Variants in C1orf141 observed in about 807,000 individuals in gnomAD.
C1orf141 encodes the protein uncharacterized protein C1orf141.
Under a neutral mutation model 23.2 loss-of-function variants are expected in C1orf141, and 19 were observed. That is an observed-to-expected ratio of 0.82 (90% CI 0.57 to 1.20). C1orf141 has a LOEUF of 1.20. C1orf141 is among the 50% of genes most tolerant of loss of function. The probability of loss-of-function intolerance (pLI) is 0.00; values close to 1 mark genes in which losing one functional copy is unlikely to be tolerated. For synonymous variants in C1orf141, 153 were observed against 154.6 expected (o/e 0.99, Z 0.08); for missense variants, 469 against 455.1 (o/e 1.03, Z -0.28).
At chr1:67,132,749 G>A (rs987179802) in intron 1 of C1orf141, among the ~76,000 whole-genome samples, 1 of 152,186 alleles carries the variant, frequency 6.6e-6, no homozygotes, top group Non-Finnish European at 1.5e-5. Flanking sequence ...ACTTCATAAT[G>A]ATTTACTGGA....
chr1:67,139,166 G>A (rs1646611447), upstream of C1orf141: 1 of 152,300 alleles, frequency 6.6e-6, no homozygotes, highest in Non-Finnish European at 1.5e-5. Context: ...GATCCAGTAA[G>A]TTCTCTTTGT....
chr1:67,137,361 G>A (rs554185127), upstream of C1orf141, among the ~76,000 whole-genome samples: 1 of 152,322 alleles, frequency 6.6e-6, no homozygotes. Context: ...TCCTCTTCCT[G>A]TGGAGTCAGG....
At chr1:67,112,964 A>G (rs1646108817) in intron 5 of C1orf141, among the ~76,000 whole-genome samples, 1 of 152,196 alleles carries the variant, frequency 6.6e-6, no homozygotes, top group Non-Finnish European at 1.5e-5. Context: ...TACTGAAAAG[A>G]GGCTAATGAA....
At chr1:67,128,481 A>G (rs1646460277) in intron 2 of C1orf141, among the ~76,000 whole-genome samples, 1 of 152,070 alleles carries the variant, frequency 6.6e-6, no homozygotes, top group African/African-American at 2.4e-5. Context: ...AGGCGGGCAG[A>G]TCACTTGAGG....
rs1050582233 is a variant in C1orf141 at position 67,115,601 on chromosome 1, T to G, written c.234-137A>C. 6.0e-6 allele frequency: 3 copies of G among 501,858 alleles called. No homozygotes were observed. In the East Asian group the frequency reaches 1.1e-4, roughly 18 times the overall value. The allele number at this position is 501,858 out of a possible 1,614,324, so 31.1% of individuals were successfully genotyped here. ...ATGTTAATGTTGTCACAGTACCAAGTGTGAAACATTGGACTGATTAAATAG... is the reference window on the plus strand; with the variant it reads ...ATGTTAATGTTGTCACAGTACCAAGGGTGAAACATTGGACTGATTAAATAG... On this transcript the variant is annotated intron_variant, in intron 4 of 7. Coordinates refer to ENST00000684719, the MANE Select transcript of C1orf141 (RefSeq NM_001276351.2).
intron 1 of C1orf141, among the ~76,000 whole-genome samples, chr1:67,141,375 A>AAAAG (rs1646636018): frequency 3.9e-5 from 6 of 152,170 alleles, no homozygotes; most frequent in African/African-American, 1.4e-4. Flanking sequence ...AACATGGCCA[A>AAAAG]AAGACTTTTT....
rs976545097 is a variant in C1orf141 at position 67,093,407 on chromosome 1, T to G, written c.801A>C (p.Lys267Asn). 7 of 1,612,542 alleles carry G rather than the reference T, an allele frequency of 4.3e-6. No homozygotes were observed. In the Admixed American group the frequency reaches 8.4e-5, roughly 19 times the overall value. The stretch of plus-strand genomic sequence containing the variant: ...GTACTGTAGGCATAGTTTTTTGGGG[T>G]TTGAAAAGAGAAATAGATTGATTGC... ...IIGNQSISLF[K>N]PQKTMPTVQR... The change falls in exon 8 of 8, where the codon AAA (lysine) becomes AAC (asparagine). Residue 267 changes from lysine (K) to asparagine (N), a missense_variant. Around this residue, in one of 3 missense-constraint regions of C1orf141, gnomAD observed 370 missense variants for 348.1 expected, o/e 1.06. Transcript: ENST00000684719.
rs1221091922 is a variant in C1orf141 at position 67,096,251 on chromosome 1, C to T, written c.416+1G>A. 2 of 1,382,928 alleles carry T rather than the reference C, an allele frequency of 1.4e-6. No homozygotes were observed. Among genetic ancestry groups the T allele is most frequent in the Admixed American group, 2.1e-5 (1 of 46,948 alleles). 85.7% of individuals were successfully genotyped at this position (1,382,928 alleles called of 1,614,324 possible). A position where few individuals can be genotyped will look rare whatever the true frequency, so the allele number is the denominator to read the frequency against. ...GTATTAAGCATTTTAAAATAAATTA[C>T]CTTTTATTTCTATCACCTTCTAAGA... is the stretch of plus-strand genomic sequence containing the variant. On this transcript the variant is annotated splice_donor_variant, in intron 6 of 7. Coordinates refer to ENST00000684719, the MANE Select transcript of C1orf141 (RefSeq NM_001276351.2). LOFTEE classifies it high-confidence loss of function.
Position 67,092,562 on chromosome 1 carries a change from A to C in C1orf141, c.*443T>G, listed in dbSNP as rs1250903385. ...TGCTAATGTAATACTATTGATGATG[A>C]TTTGCTGAAATGCTGGTATACAATT... is the stretch of plus-strand genomic sequence containing the variant. On this transcript the variant is annotated 3_prime_UTR_variant, in exon 8 of 8. Coordinates refer to ENST00000684719, the MANE Select transcript of C1orf141 (RefSeq NM_001276351.2). The C allele has an allele frequency of 6.5e-6, 1 of 153,248 alleles. No homozygotes were observed. The highest frequency in any genetic ancestry group is 2.4e-5 in the African/African-American group (1 of 41,458). 9.5% of individuals were successfully genotyped at this position (153,248 alleles called of 1,614,324 possible).
intron 1 of C1orf141, among the ~76,000 whole-genome samples, chr1:67,133,420 A>G (rs1301971507): frequency 6.6e-6 from 1 of 152,190 alleles, no homozygotes; most frequent in African/African-American, 2.4e-5. Flanking sequence ...TCATCTGTTA[A>G]ATGATTAATG....
chr1:67,138,448 G>C (rs566457999), upstream of C1orf141, among the ~76,000 whole-genome samples: 4 of 152,036 alleles, frequency 2.6e-5, no homozygotes, highest in Non-Finnish European at 5.9e-5. Context: ...CCTTCCCTTG[G>C]CTTCAATTAC....
intron 4 of C1orf141, among the ~76,000 whole-genome samples, chr1:67,124,994 C>T (rs531211333): frequency 3.3e-5 from 5 of 152,306 alleles, no homozygotes; most frequent in South Asian, 2.1e-4. Flanking sequence ...CTCTCCTTTA[C>T]AATTCTGATG....
chr1:67,115,144 T>C (rs1166854140), intron 5 of C1orf141, among the ~76,000 whole-genome samples: 1 of 152,234 alleles, frequency 6.6e-6, no homozygotes, highest in Admixed American at 6.5e-5. Flanking sequence ...AACATAAAAA[T>C]ATATTCCTAT....
intron 5 of C1orf141, among the ~76,000 whole-genome samples, chr1:67,110,313 C>T (rs544958401): frequency 6.6e-6 from 1 of 151,738 alleles, no homozygotes; most frequent in South Asian, 2.1e-4. Flanking sequence ...TTTCAAGTTG[C>T]AAAAATTAAC....
At chr1:67,124,465 A>G (rs1646364056) in intron 4 of C1orf141, among the ~76,000 whole-genome samples, 1 of 152,088 alleles carries the variant, frequency 6.6e-6, no homozygotes, top group Non-Finnish European at 1.5e-5. Flanking sequence ...GGCATGCACC[A>G]CCAAGCCCAG....
chr1:67,113,947 A>G (rs747369641), intron 5 of C1orf141, among the ~76,000 whole-genome samples: 2 of 152,228 alleles, frequency 1.3e-5, no homozygotes, highest in Non-Finnish European at 2.9e-5. Context: ...AGAAGATAAG[A>G]ACTCAGATAG....
intron 4 of C1orf141, among the ~76,000 whole-genome samples, chr1:67,117,423 G>A (rs1245246566): frequency 8.6e-5 from 13 of 151,260 alleles, no homozygotes; most frequent in African/African-American, 2.9e-4. Flanking sequence ...ATTCTGTCTC[G>A]AAAGAAAAAA....
At chr1:67,097,290 T>C (rs1645703694) in intron 5 of C1orf141, among the ~76,000 whole-genome samples, 2 of 152,032 alleles carry the variant, frequency 1.3e-5, no homozygotes, top group Admixed American at 1.3e-4. Flanking sequence ...TTCGAATAAT[T>C]TGGAAGTATT....
Position 67,096,277 on chromosome 1 carries a change from G to T in C1orf141, c.391C>A (p.Leu131Ile). Residue 131 changes from leucine (L) to isoleucine (I), a missense_variant, in exon 6 of 8, where the codon CTC (leucine) becomes ATC (isoleucine). Transcript: ENST00000684719. The part of the protein sequence containing the change: ...KPRKPLDSVG[L>I]LEGDRNKRKK... Reference sequence around the variant, plus strand: ...CTTTTATTTCTATCACCTTCTAAGAGACCAACAGAATCCAATGGTTTCCTA... The same window carrying T: ...CTTTTATTTCTATCACCTTCTAAGATACCAACAGAATCCAATGGTTTCCTA... 6.6e-7 allele frequency: 1 copy of T among 1,525,764 alleles called. No homozygotes were observed. Among genetic ancestry groups the T allele is most frequent in the South Asian group, 1.2e-5 (1 of 82,426 alleles). 94.5% of individuals were successfully genotyped at this position (1,525,764 alleles called of 1,614,324 possible). A position where few individuals can be genotyped will look rare whatever the true frequency, so the allele number is the denominator to read the frequency against.
Sources: allele counts gnomAD v4.1 joint callset (sites outside exome capture counted in the v4.1 genomes callset), GRCh38; gene constraint gnomAD v4.1.1; regional missense constraint gnomAD v4.1.1; transcripts MANE v1.5; gene names NCBI Gene and HGNC (gene_info 2026-07-23, HGNC 2026-07-21).